MTCL1: variants seen among roughly 807,000 people sequenced by gnomAD.
MTCL1 encodes microtubule crosslinking factor 1.
MTCL1 carries 79 observed loss-of-function variants against 141.4 expected under a neutral mutation model. The ratio of observed to expected loss-of-function variants is 0.56; its 90% confidence interval spans 0.47 to 0.67. The LOEUF (loss-of-function observed/expected upper bound fraction) is 0.67, where lower values mean the gene tolerates loss of function less well. Ranked by LOEUF, MTCL1 falls within the 30% of genes least tolerant of loss-of-function variation. The pLI is 0.00. For synonymous variants in MTCL1, 914 were observed against 875.8 expected, an observed-to-expected ratio of 1.04 and a Z score of -0.77; for missense variants, 2,177 against 2,113.9, an observed-to-expected ratio of 1.03 and a Z score of -0.59.
intron 9 of MTCL1, 128 bp downstream of exon 8, chr18:8,796,590 C>A: frequency 1.0e-6 from 1 of 960,594 alleles, no homozygotes; most frequent in Non-Finnish European, 1.5e-6. Context: ...TGGTTAACAT[C>A]TAATATTGCA....
At chr18:8,825,575 T>C in exon 15 of MTCL1, 1 of 1,613,448 alleles carries the variant, frequency 6.2e-7, no homozygotes, top group Non-Finnish European at 8.5e-7. Flanking sequence ...GGGGCGGTGC[T>C]ACACCCGTGT....
At chr18:8,769,465 T>C (rs1221934195) in intron 4 of MTCL1, among the ~76,000 whole-genome samples, 1 of 152,240 alleles carries the variant, frequency 6.6e-6, no homozygotes, top group Non-Finnish European at 1.5e-5. Flanking sequence ...TACTATGTGA[T>C]AGTATGTTTT....
intron 4 of MTCL1, among the ~76,000 whole-genome samples, chr18:8,767,156 C>A (rs1251174772): frequency 1.3e-5 from 2 of 152,182 alleles, no homozygotes; most frequent in African/African-American, 4.8e-5. Flanking sequence ...AGAAAGTTAC[C>A]CCCTCCTCTT....
intron 4 of MTCL1, among the ~76,000 whole-genome samples, chr18:8,731,097 T>C (rs2148866212): frequency 6.6e-6 from 1 of 151,498 alleles, no homozygotes; most frequent in East Asian, 1.9e-4. Context: ...TACAAAAAAT[T>C]AGCCGGCCGT....
intron 11 of MTCL1, 96 bp from the exon 11 acceptor site, chr18:8,812,883 C>G: frequency 6.8e-7 from 1 of 1,480,278 alleles, no homozygotes; most frequent in Non-Finnish European, 9.1e-7. Context: ...TTGGTTTAAA[C>G]ATGTTTCCAG....
chr18:8,809,363 C>T, intron 11 of MTCL1: 1 of 1,484,478 alleles, frequency 6.7e-7, no homozygotes, highest in Non-Finnish European at 9.0e-7. Context: ...GCAACAAGCC[C>T]AACAGAAATC....
At chr18:8,800,910 AG>A (rs2076097387) in intron 10 of MTCL1, 1 of 71,208 alleles carries the variant, frequency 1.4e-5, no homozygotes, top group Non-Finnish European at 2.9e-5. Context: ...AAAACAACTA[AG>A]TAAAAAAAAA....
chr18:8,782,926 C>T (rs926966373), intron 5 of MTCL1, among the ~76,000 whole-genome samples: 11 of 152,196 alleles, frequency 7.2e-5, no homozygotes, highest in South Asian at 2.1e-4. Context: ...TGGGGAGAAG[C>T]GAATTGCCCT....
intron 4 of MTCL1, among the ~76,000 whole-genome samples, chr18:8,772,873 G>C (rs2096490567): frequency 6.6e-6 from 1 of 151,852 alleles, no homozygotes; most frequent in Admixed American, 6.6e-5. Context: ...TTGTGTACTA[G>C]TGATTTGTTA....
At chr18:8,814,946 G>A (rs990729044) in intron 12 of MTCL1, among the ~76,000 whole-genome samples, 15 of 152,158 alleles carry the variant, frequency 9.9e-5, no homozygotes, top group African/African-American at 2.2e-4. Flanking sequence ...CTCAACTTTC[G>A]AAAAGTCAGT....
intron 12 of MTCL1, among the ~76,000 whole-genome samples, chr18:8,818,580 T>A (rs560313243): frequency 3.0e-4 from 45 of 152,374 alleles, no homozygotes; most frequent in Non-Finnish European, 5.9e-4. Context: ...TGTCTTCACT[T>A]CTGAAGGAAG....
At chr18:8,715,255 C>A (rs1292159758), upstream of MTCL1, among the ~76,000 whole-genome samples, 7 of 152,174 alleles carry the variant, frequency 4.6e-5, no homozygotes, top group Non-Finnish European at 1.0e-4. Flanking sequence ...CAGCATTTAA[C>A]ATTAGGGTGG....
chr18:8,826,301 A>T, intron 15 of MTCL1, 69 bp downstream of exon 14: 15 of 1,365,774 alleles, frequency 1.1e-5, no homozygotes, highest in Non-Finnish European at 1.5e-5. Flanking sequence ...GCAGGTTGGG[A>T]CTTGGGATTG....
intron 7 of MTCL1, chr18:8,789,281 C>T (rs1176089360): frequency 6.3e-6 from 2 of 316,260 alleles, no homozygotes; most frequent in African/African-American, 4.5e-5. Context: ...CATGTGTTGG[C>T]CTCATGTACT....
chr18:8,813,030 A>G, exon 12 of MTCL1: 1 of 1,614,194 alleles, frequency 6.2e-7, no homozygotes, highest in Non-Finnish European at 8.5e-7. Context: ...CTCCGCTGAG[A>G]GCAAGGGGGC....
rs773454936 is a variant in MTCL1, at chr18:8,784,151, G to C, written c.1039G>C (p.Glu347Gln). The C allele has an allele frequency of 5.6e-6, 9 of 1,613,596 alleles. No individual in the cohort carries two copies. In the South Asian group the frequency reaches 9.9e-5, roughly 18 times the overall value. ...GAAGTCAGCCAGGCTGCAGATCAGC[G>C]AGCTCAGCGGCAAGGTGCTCAAACT... The change falls in exon 6 of 17, where the codon GAG becomes CAG. Residue 347 changes from glutamate to glutamine, a missense_variant. Physicochemically the swap from Glu to Gln is conservative, Grantham distance 29 (BLOSUM62 2). Transcript: ENST00000359865.
chr18:8,705,732 C>T lies in MTCL1; in HGVS notation c.72C>T (p.His24=). ...AGCTGCAGCCGCCCGGCCAGCACCACCGCCACCACCACCTCCACCCGGTGG... is the reference window on the plus strand; with the variant it reads ...AGCTGCAGCCGCCCGGCCAGCACCATCGCCACCACCACCTCCACCCGGTGG... The change falls in exon 1 of 14, where the codon CAC becomes CAT. Residue 24 remains histidine (H), a synonymous_variant. Transcript: ENST00000306329. This position sits in a 1 kb window ranked among gnomAD's most constrained non-coding sequence, Gnocchi z 5.2. 8.3e-7 allele frequency: 1 copy of T among 1,205,660 alleles called. No individual in the cohort carries two copies. The highest frequency in any genetic ancestry group is 1.0e-6 in the Non-Finnish European group (1 of 970,856). 74.7% of individuals were successfully genotyped at this position (1,205,660 alleles called of 1,614,324 possible). A position where few individuals can be genotyped will look rare whatever the true frequency, so the allele number is the denominator to read the frequency against.
chr18:8,825,042 C>G (rs2076971439), exon 15 of MTCL1: 1 of 1,613,058 alleles, frequency 6.2e-7, no homozygotes, highest in African/African-American at 1.3e-5. Flanking sequence ...CCAGAAGCAG[C>G]CACTGCGGAG....
intron 4 of MTCL1, among the ~76,000 whole-genome samples, chr18:8,768,383 C>G (rs1380349320): frequency 6.6e-6 from 1 of 152,206 alleles, no homozygotes; most frequent in Non-Finnish European, 1.5e-5. Flanking sequence ...TTCACATTCA[C>G]TGAGTTTTGA....
Sources: allele counts gnomAD v4.1 joint callset (sites outside exome capture counted in the v4.1 genomes callset), GRCh38; gene constraint gnomAD v4.1.1; non-coding constraint Gnocchi (gnomAD v3.1); transcripts MANE v1.5; gene names NCBI Gene and HGNC (gene_info 2026-07-23, HGNC 2026-07-21).